KIF16B: variants seen among roughly 807,000 people sequenced by gnomAD.
KIF16B encodes the protein kinesin family member 16B, also known as kinesin-like protein KIF16B.
In KIF16B, 98 loss-of-function variants were observed where a neutral mutation model predicts 156.3. The observed-to-expected ratio is 0.63, with a 90% CI of 0.53 to 0.74. The LOEUF is 0.74. Ranked by LOEUF, KIF16B falls within the 30% of genes least tolerant of loss-of-function variation. KIF16B has a pLI of 0.00. For missense variants in KIF16B, 1,421 were observed against 1,606.5 expected, an observed-to-expected ratio of 0.88 and a Z score of 1.97; for synonymous variants, 564 against 583.7, an observed-to-expected ratio of 0.97 and a Z score of 0.49.
At chr20:16,552,805 A>AT (rs910017505) in intron 1 of KIF16B, among the ~76,000 whole-genome samples, 6 of 151,350 alleles carry the variant, frequency 4.0e-5, no homozygotes, top group Non-Finnish European at 7.4e-5. Context: ...TTAATTTATT[A>AT]TTTTTTTTTA....
chr20:16,528,551 A>G (rs2069634151), intron 1 of KIF16B, 111 bp from the exon 2 acceptor site: 3 of 780,468 alleles, frequency 3.8e-6, no homozygotes, highest in Admixed American at 2.2e-5. Context: ...TTATTTTCAA[A>G]TGGCATCTGA....
At chr20:16,311,317 C>T (rs371799658) in intron 25 of KIF16B, among the ~76,000 whole-genome samples, 7 of 152,010 alleles carry the variant, frequency 4.6e-5, no homozygotes, top group Non-Finnish European at 8.8e-5. Flanking sequence ...GGTGAAACCC[C>T]GTCTCTACTA....
intron 17 of KIF16B, among the ~76,000 whole-genome samples, chr20:16,395,812 C>T (rs1392422653): frequency 6.6e-6 from 1 of 151,978 alleles, no homozygotes; most frequent in Non-Finnish European, 1.5e-5. Flanking sequence ...TATATCGACA[C>T]ATTCAACACT....
At chr20:16,462,496 C>T (rs1236049019) in intron 12 of KIF16B, among the ~76,000 whole-genome samples, 4 of 152,108 alleles carry the variant, frequency 2.6e-5, no homozygotes, top group South Asian at 2.1e-4. Flanking sequence ...AGGACTTCTT[C>T]CCTTTCCCTG....
At chr20:16,339,587 T>C (rs1304897307) in intron 23 of KIF16B, among the ~76,000 whole-genome samples, 2 of 152,198 alleles carry the variant, frequency 1.3e-5, no homozygotes, top group African/African-American at 4.8e-5. Flanking sequence ...AGATGTCTAA[T>C]ACGCATCTCA....
chr20:16,561,042 C>A (rs956138373), intron 1 of KIF16B, among the ~76,000 whole-genome samples: 1 of 151,930 alleles, frequency 6.6e-6, no homozygotes, highest in Non-Finnish European at 1.5e-5. Flanking sequence ...GTAATCCCTG[C>A]GCTTTGGGAG....
At chr20:16,470,086 A>G (rs2067616546) in intron 12 of KIF16B, among the ~76,000 whole-genome samples, 1 of 152,252 alleles carries the variant, frequency 6.6e-6, no homozygotes, top group Admixed American at 6.5e-5. Flanking sequence ...AGCCAATCTA[A>G]AAAGGCTCAT....
At chr20:16,359,374 C>T (rs757822030) in intron 22 of KIF16B, among the ~76,000 whole-genome samples, 7 of 152,190 alleles carry the variant, frequency 4.6e-5, no homozygotes, top group Non-Finnish European at 8.8e-5. Flanking sequence ...CCTGCTCCCA[C>T]TGTGTGAGAT....
chr20:16,444,194 G>A (rs1309309822), intron 12 of KIF16B, among the ~76,000 whole-genome samples: 1 of 152,138 alleles, frequency 6.6e-6, no homozygotes, highest in Admixed American at 6.5e-5. Context: ...AATCACTTTG[G>A]AAAACTATTT....
Position 16,344,776 on chromosome 20 carries a change from T to C in KIF16B, c.3622-8761A>G, listed in dbSNP as rs573299998. On this transcript the variant is annotated intron_variant, in intron 23 of 25. Coordinates refer to ENST00000354981, the MANE Select transcript of KIF16B (RefSeq NM_024704.5). ...AATTCCATTCTCTGCGATGAGTATT[T>C]CAAAATGTTCTAGATTTTTCCATCC... 3.9e-5 allele frequency among the ~76,000 whole-genome samples: 6 copies of C among 152,356 alleles called. No homozygotes were observed. In the South Asian group the frequency reaches 8.3e-4, roughly 21 times the overall value.
At chr20:16,330,220 AT>A (rs1257724039) in intron 24 of KIF16B, among the ~76,000 whole-genome samples, 2 of 152,176 alleles carry the variant, frequency 1.3e-5, no homozygotes, top group African/African-American at 4.8e-5. Flanking sequence ...TACCGCTTTA[AT>A]TGGCTCACCA....
intron 24 of KIF16B, among the ~76,000 whole-genome samples, chr20:16,324,310 G>A (rs2063811910): frequency 1.3e-5 from 2 of 151,920 alleles, no homozygotes; most frequent in Non-Finnish European, 2.9e-5. Context: ...GGAGAGGGAG[G>A]TTCAGACAAA....
chr20:16,394,264 T>A (rs1039987872), intron 17 of KIF16B, among the ~76,000 whole-genome samples: 1 of 152,214 alleles, frequency 6.6e-6, no homozygotes, highest in African/African-American at 2.4e-5. Context: ...TCTTTGAATT[T>A]AAGAGCTCAT....
chr20:16,565,403 C>T (rs960980597), intron 1 of KIF16B, among the ~76,000 whole-genome samples: 3 of 152,190 alleles, frequency 2.0e-5, no homozygotes, highest in African/African-American at 7.2e-5. Flanking sequence ...CTTAGTAGTA[C>T]TGTGAAAACA....
chr20:16,342,786 T>C (rs1020042602), intron 23 of KIF16B, among the ~76,000 whole-genome samples: 24 of 152,186 alleles, frequency 1.6e-4, no homozygotes, highest in African/African-American at 5.8e-4. Context: ...GCAAACAAGA[T>C]GAAGATGATG....
At chr20:16,278,560 T>G (rs749064417) in intron 25 of KIF16B, among the ~76,000 whole-genome samples, 2 of 152,196 alleles carry the variant, frequency 1.3e-5, no homozygotes, top group African/African-American at 2.4e-5. Context: ...CATATTTTGT[T>G]GCTCAGGGGC....
chr20:16,536,935 C>T (rs1366571243), intron 1 of KIF16B, among the ~76,000 whole-genome samples: 2 of 151,990 alleles, frequency 1.3e-5, no homozygotes, highest in African/African-American at 4.8e-5. Flanking sequence ...AACAACCTTA[C>T]CCCCAACCCC....
chr20:16,402,811 C>T (rs1428581578), intron 17 of KIF16B, among the ~76,000 whole-genome samples: 1 of 152,170 alleles, frequency 6.6e-6, no homozygotes, highest in Non-Finnish European at 1.5e-5. Flanking sequence ...TGGAAAGTCA[C>T]TGAAAAGTTC....
At chr20:16,557,054 T>C (rs1342796365) in intron 1 of KIF16B, among the ~76,000 whole-genome samples, 1 of 151,224 alleles carries the variant, frequency 6.6e-6, no homozygotes, top group Non-Finnish European at 1.5e-5. Flanking sequence ...TAAAGATGTA[T>C]TTACCATGAA....
Sources: gnomAD v4.1 joint callset for allele counts (sites outside exome capture counted in the v4.1 genomes callset) on GRCh38, gnomAD v4.1.1 for gene constraint, MANE v1.5 for transcripts, NCBI Gene and HGNC (gene_info 2026-07-23, HGNC 2026-07-21) for gene names.